ARHGAP44: variants seen among roughly 807,000 people sequenced by gnomAD.
ARHGAP44 encodes the protein Rho GTPase activating protein 44.
ARHGAP44 carries 43 observed loss-of-function variants against 106.8 expected under a neutral mutation model. The ratio of observed to expected loss-of-function variants is 0.40; its 90% CI spans 0.32 to 0.52. The LOEUF is 0.52. ARHGAP44 is among the 20% of genes least tolerant of loss of function. ARHGAP44 has a pLI of 0.48. For synonymous variants in ARHGAP44, 439 were observed against 410.3 expected (o/e 1.07, Z -0.85); for missense variants, 866 against 1,050.5 (o/e 0.82, Z 2.43).
chr17:12,878,152 T>C (rs1483578395), intron 1 of ARHGAP44, among the ~76,000 whole-genome samples: 1 of 152,198 alleles, frequency 6.6e-6, no homozygotes, highest in Admixed American at 6.5e-5. Context: ...TTCAGAGCCT[T>C]TAATATGGTA....
chr17:12,838,305 A>G (rs1040886112), intron 1 of ARHGAP44, among the ~76,000 whole-genome samples: 1 of 152,226 alleles, frequency 6.6e-6, no homozygotes, highest in African/African-American at 2.4e-5. Flanking sequence ...ACATATTTAC[A>G]GTTTTGTTAA....
chr17:12,852,960 C>T (rs933833990), intron 1 of ARHGAP44, among the ~76,000 whole-genome samples: 4 of 152,144 alleles, frequency 2.6e-5, no homozygotes, highest in African/African-American at 4.8e-5. Flanking sequence ...GTGTGAGGAA[C>T]GGTATTTGTG....
intron 19 of ARHGAP44, among the ~76,000 whole-genome samples, chr17:12,984,250 T>G (rs1402863945): frequency 6.6e-6 from 1 of 152,038 alleles, no homozygotes; most frequent in Non-Finnish European, 1.5e-5. Context: ...TGGCTGGGTG[T>G]GCGTGTGTAG....
At chr17:12,884,054 GT>G (rs1020655084) in intron 1 of ARHGAP44, among the ~76,000 whole-genome samples, 16 of 151,832 alleles carry the variant, frequency 1.1e-4, no homozygotes, top group East Asian at 5.8e-4. Context: ...CTTTCATAAT[GT>G]TTTTTTTCTC....
At chr17:12,866,945 C>G (rs2036253505) in intron 1 of ARHGAP44, among the ~76,000 whole-genome samples, 1 of 152,210 alleles carries the variant, frequency 6.6e-6, no homozygotes. Context: ...AAGGGGACCT[C>G]TGAGAAGGCT....
chr17:12,866,960 T>C (rs1371589365), intron 1 of ARHGAP44, among the ~76,000 whole-genome samples: 1 of 152,168 alleles, frequency 6.6e-6, no homozygotes, highest in Non-Finnish European at 1.5e-5. Context: ...AAGGCTTCTT[T>C]CTGCATTTGT....
chr17:12,935,336 A>T (rs2038514740), intron 7 of ARHGAP44, among the ~76,000 whole-genome samples: 1 of 152,034 alleles, frequency 6.6e-6, no homozygotes, highest in Non-Finnish European at 1.5e-5. Flanking sequence ...CACTTTGGGA[A>T]GCTGAGGCGG....
Position 12,876,737 on chromosome 17 carries a change from C to G in ARHGAP44, c.54-18203C>G, listed in dbSNP as rs570929954. On this transcript the variant is annotated intron_variant, in intron 1 of 20. Transcript: ENST00000379672. ...ACCATCCTGGCCAACATGGTGAAAC[C>G]CTGTCTCTACTAAAAATACAAAAAT... Among the ~76,000 whole-genome samples the G allele has an allele frequency of 3.1e-4, 47 of 151,704 alleles. No homozygotes were observed. In the South Asian group the frequency reaches 9.2e-3, roughly 30 times the overall value.
chr17:12,820,405 GA>G (rs1281248407), intron 1 of ARHGAP44, among the ~76,000 whole-genome samples: 3 of 151,822 alleles, frequency 2.0e-5, no homozygotes, highest in East Asian at 3.9e-4. Flanking sequence ...AAGTGAAAAA[GA>G]AAAAAAATTA....
intron 1 of ARHGAP44, among the ~76,000 whole-genome samples, chr17:12,838,797 G>C (rs1217638354): frequency 1.1e-4 from 17 of 151,986 alleles, no homozygotes; most frequent in Admixed American, 1.0e-3. Context: ...TCAGTCTTCC[G>C]AGTAGCTGGG....
At chr17:12,899,670 G>C (rs955841422) in intron 3 of ARHGAP44, among the ~76,000 whole-genome samples, 1 of 129,342 alleles carries the variant, frequency 7.7e-6, no homozygotes, top group African/African-American at 3.0e-5. Context: ...GAATGTTAAG[G>C]GAGGGTCCAG....
intron 1 of ARHGAP44, among the ~76,000 whole-genome samples, chr17:12,836,099 T>C (rs2035228974): frequency 6.6e-6 from 1 of 152,178 alleles, no homozygotes; most frequent in Non-Finnish European, 1.5e-5. Flanking sequence ...GCTATGAATA[T>C]GGGTGTGCAA....
At chr17:12,893,543 G>A (rs539156747) in intron 1 of ARHGAP44, among the ~76,000 whole-genome samples, 5 of 152,258 alleles carry the variant, frequency 3.3e-5, no homozygotes, top group Non-Finnish European at 5.9e-5. Flanking sequence ...AGTGATAGAC[G>A]CTTCCACTCC....
Position 12,944,209 on chromosome 17 carries a change from A to G in ARHGAP44, c.861+13A>G. On this transcript the variant is annotated intron_variant, in intron 10 of 20. Coordinates refer to ENST00000379672, the MANE Select transcript of ARHGAP44 (RefSeq NM_014859.6). The stretch of plus-strand genomic sequence containing the variant: ...GATGCAGGAGGAGGTAGGTCTGAGC[A>G]CAGCCACACGCCGCCCCGGGCAGGT... 1 of 1,592,468 alleles carries G rather than the reference A, an allele frequency of 6.3e-7. No individual in the cohort carries two copies. The highest frequency in any genetic ancestry group is 2.3e-5 in the East Asian group (1 of 44,362).
intron 18 of ARHGAP44, among the ~76,000 whole-genome samples, chr17:12,976,640 C>T (rs1165603545): frequency 7.0e-6 from 1 of 143,198 alleles, no homozygotes; most frequent in East Asian, 2.1e-4. Context: ...AAAGTATTTT[C>T]ACTGTAAAAC....
chr17:12,956,878 CACACA>C, intron 15 of ARHGAP44, 132 bp downstream of exon 15: 1 of 664,654 alleles, frequency 1.5e-6, no homozygotes, highest in South Asian at 1.8e-5. Flanking sequence ...CACACACACA[CACACA>C]CACACGCATG....
chr17:12,863,895 G>A (rs1261063407), intron 1 of ARHGAP44, among the ~76,000 whole-genome samples: 1 of 152,164 alleles, frequency 6.6e-6, no homozygotes, highest in Non-Finnish European at 1.5e-5. Flanking sequence ...GGTGTCATTT[G>A]GAGTTGTGTT....
chr17:12,967,612 G>A (rs4791521), intron 16 of ARHGAP44, among the ~76,000 whole-genome samples: 26,918 of 151,810 alleles, frequency 0.18, 2,559 homozygotes, highest in Admixed American at 0.24. Flanking sequence ...TAAGTTCAGG[G>A]GGCTTAGAAG....
intron 1 of ARHGAP44, among the ~76,000 whole-genome samples, chr17:12,835,882 G>A (rs563858902): frequency 6.6e-6 from 1 of 152,080 alleles, no homozygotes; most frequent in East Asian, 1.9e-4. Flanking sequence ...CCATATAGTT[G>A]GAATCATACA....
Sources: allele counts gnomAD v4.1 joint callset (sites outside exome capture counted in the v4.1 genomes callset), GRCh38; gene constraint gnomAD v4.1.1; transcripts MANE v1.5; gene names NCBI Gene and HGNC (gene_info 2026-07-23, HGNC 2026-07-21).